The following ACO2 variants were observed in gnomAD, a reference collection of about 807,000 sequenced individuals.
ACO2 encodes aconitase 2, also known as aconitate hydratase, mitochondrial.
A neutral mutation model predicts 84.5 loss-of-function variants in ACO2; 31 were observed. The observed-to-expected ratio is 0.37, with a 90% CI of 0.28 to 0.50. ACO2 has a LOEUF of 0.50. Ranked by LOEUF, ACO2 falls within the 20% of genes least tolerant of loss-of-function variation. The pLI, the probability that ACO2 is intolerant of heterozygous loss-of-function variation, is 0.97. For missense variants in ACO2, 685 were observed against 1,029.3 expected (o/e 0.67, Z 4.58); for synonymous variants, 414 against 412.7 (o/e 1.00, Z -0.04).
chr22:41,524,172 TCTCA>T (rs752605200), intron 12 of ACO2, among the ~76,000 whole-genome samples: 2 of 152,216 alleles, frequency 1.3e-5, no homozygotes, highest in Non-Finnish European at 2.9e-5. Flanking sequence ...GAATTTGGAA[TCTCA>T]CTCACTGCCT....
chr22:41,517,940 C>A (rs763612523), intron 7 of ACO2, among the ~76,000 whole-genome samples: 3 of 152,362 alleles, frequency 2.0e-5, no homozygotes, highest in Non-Finnish European at 2.9e-5. Context: ...CTGCCCCCTA[C>A]AGGAAACTCC....
rs759676213 is a variant in ACO2 at position 41,499,872 on chromosome 22, C to T, written c.173+10C>T. On this transcript the variant is annotated intron_variant, in intron 2 of 17. Coordinates refer to ENST00000216254, the MANE Select transcript of ACO2 (RefSeq NM_001098.3). The stretch of plus-strand genomic sequence containing the variant: ...ACATTGTTCGCAAACGGTAAGGCTG[C>T]AGATGGGAGGCTGTGACTGTCAAGG... The T allele has an allele frequency of 6.2e-7, 1 of 1,613,266 alleles. No individual in the cohort carries two copies. The highest frequency in any genetic ancestry group is 8.5e-7 in the Non-Finnish European group (1 of 1,179,480).
chr22:41,470,124 G>A (rs2037926248), intron 1 of ACO2, among the ~76,000 whole-genome samples: 1 of 152,182 alleles, frequency 6.6e-6, no homozygotes, highest in Admixed American at 6.5e-5. Context: ...CTGACTGACT[G>A]CCAGATGATT....
At position 41,526,441 on chromosome 22, in the gene ACO2, C is replaced by G; in HGVS notation, c.1941C>G (p.Ala647=). The G allele has an allele frequency of 1.2e-6, 2 of 1,612,700 alleles. No homozygotes were observed. The highest frequency in any genetic ancestry group is 1.7e-4 in the Middle Eastern group (1 of 5,782). The change falls in exon 15 of 18, where the codon GCC becomes GCG. Residue 647 remains alanine (A), a synonymous_variant. Transcript: ENST00000216254. ...AGTTTGGCCCCGTCCCTGACACTGC[C>G]CGCTACTACAAGGTGGGTCAGAGTT... ...TQEFGPVPDT[A]RYYKKHGIRW... is the part of the protein sequence containing the mutation.
intron 4 of ACO2, among the ~76,000 whole-genome samples, chr22:41,514,363 A>G (rs916259478): frequency 2.6e-5 from 4 of 152,248 alleles, no homozygotes; most frequent in Non-Finnish European, 5.9e-5. Flanking sequence ...TGCTTCCCGC[A>G]GGCACTATTC....
intron 2 of ACO2, among the ~76,000 whole-genome samples, chr22:41,505,872 T>G (rs1187230184): frequency 3.9e-4 from 60 of 152,118 alleles, no homozygotes; most frequent in Non-Finnish European, 1.5e-5. Context: ...CTTAGCAAAT[T>G]GTGTACCTTA....
chr22:41,522,148 G>A (rs1346675733), intron 9 of ACO2, among the ~76,000 whole-genome samples: 4 of 152,198 alleles, frequency 2.6e-5, no homozygotes, highest in African/African-American at 4.8e-5. Context: ...GGGCAACATG[G>A]TGAGACTTTG....
Position 41,499,875 on chromosome 22 carries a change from A to G in ACO2, c.173+13A>G. On this transcript the variant is annotated intron_variant, in intron 2 of 17. Coordinates refer to ENST00000216254, the MANE Select transcript of ACO2 (RefSeq NM_001098.3). ...TTGTTCGCAAACGGTAAGGCTGCAG[A>G]TGGGAGGCTGTGACTGTCAAGGGCA... The G allele has an allele frequency of 6.2e-7, 1 of 1,613,456 alleles. No individual in the cohort carries two copies. The highest frequency in any genetic ancestry group is 8.5e-7 in the Non-Finnish European group (1 of 1,179,594).
At chr22:41,525,444 C>G in intron 14 of ACO2, 96 bp downstream of exon 14, 1 of 1,480,044 alleles carries the variant, frequency 6.8e-7, no homozygotes, top group South Asian at 1.2e-5. Context: ...GAAGTGAGCA[C>G]AGTCAAGACG....
intron 1 of ACO2, among the ~76,000 whole-genome samples, chr22:41,480,696 TTCATAAAAGC>T (rs2038076545): frequency 6.6e-6 from 1 of 152,218 alleles, no homozygotes; most frequent in Non-Finnish European, 1.5e-5. Context: ...ATGCAGTATA[TTCATAAAAGC>T]TCTCTTCTCC....
At chr22:41,483,749 T>A (rs1433417662) in intron 1 of ACO2, among the ~76,000 whole-genome samples, 2 of 152,184 alleles carry the variant, frequency 1.3e-5, no homozygotes, top group African/African-American at 4.8e-5. Context: ...GGCTTACACC[T>A]TTAATCCCAG....
rs925592847 is a variant in ACO2, at chr22:41,522,750, C to T, written c.1139-80C>T. The T allele has an allele frequency of 1.2e-5, 19 of 1,522,836 alleles. No homozygotes were observed. The South Asian group carries it at 1.6e-4, about 13-fold the overall frequency. 94.3% of individuals were successfully genotyped at this position (1,522,836 alleles called of 1,614,324 possible). A position where few individuals can be genotyped will look rare whatever the true frequency, so the allele number is the denominator to read the frequency against. ...AGATGGTGAACTCTTTTGGCCAAGT[C>T]TGGATAATTTGAAGTCAGGTGGAGA... On this transcript the variant is annotated intron_variant, in intron 9 of 17. Transcript: ENST00000216254.
chr22:41,502,825 G>A (rs769232897), intron 2 of ACO2, among the ~76,000 whole-genome samples: 6 of 152,140 alleles, frequency 3.9e-5, no homozygotes, highest in Non-Finnish European at 7.4e-5. Flanking sequence ...GGCCAGGCTG[G>A]TCTCGAACTC....
intron 1 of ACO2, among the ~76,000 whole-genome samples, chr22:41,488,159 T>A (rs1385947695): frequency 6.6e-6 from 1 of 152,216 alleles, no homozygotes; most frequent in Non-Finnish European, 1.5e-5. Context: ...TCTTCCTTAT[T>A]CTACCAGATG....
chr22:41,517,718 C>T, intron 7 of ACO2, 87 bp downstream of exon 7: 3 of 1,239,844 alleles, frequency 2.4e-6, no homozygotes, highest in South Asian at 2.5e-5. Context: ...CCCTGTAGGG[C>T]AGGGGTTCTT....
At chr22:41,527,240 G>A in intron 15 of ACO2, 48 bp from the exon 16 acceptor site, 1 of 1,613,718 alleles carries the variant, frequency 6.2e-7, no homozygotes, top group African/African-American at 1.3e-5. Context: ...GACAGGTGAG[G>A]ACGGTGCCCT....
chr22:41,519,415 C>T (rs528613119), intron 8 of ACO2, among the ~76,000 whole-genome samples: 13 of 152,284 alleles, frequency 8.5e-5, no homozygotes, highest in Admixed American at 2.6e-4. Context: ...CTAACACTGA[C>T]GGAGGTTTAC....
chr22:41,524,837 C>G lies in ACO2; in HGVS notation c.1483-9C>G, dbSNP rs1403100032. ...GTGCTGACCAACAAACTGGCCACCTCCATTTCAGATTGTCACAGCCCTGGC... is the reference window on the plus strand; with the variant it reads ...GTGCTGACCAACAAACTGGCCACCTGCATTTCAGATTGTCACAGCCCTGGC... On this transcript the variant is annotated splice_polypyrimidine_tract_variant and intron_variant, in intron 12 of 17. Transcript: ENST00000216254. 6.2e-7 allele frequency: 1 copy of G among 1,614,160 alleles called. No individual in the cohort carries two copies.
chr22:41,500,828 C>T (rs906414766), intron 2 of ACO2, among the ~76,000 whole-genome samples: 5 of 151,914 alleles, frequency 3.3e-5, no homozygotes, highest in Non-Finnish European at 5.9e-5. Context: ...CTCAGCCTCC[C>T]GAGTAGCTGG....
Sources: gnomAD v4.1 joint callset for allele counts (sites outside exome capture counted in the v4.1 genomes callset) on GRCh38, gnomAD v4.1.1 for gene constraint, MANE v1.5 for transcripts, NCBI Gene and HGNC (gene_info 2026-07-23, HGNC 2026-07-21) for gene names.